NXNL2: variants seen among roughly 807,000 people sequenced by gnomAD.
NXNL2 encodes the protein nucleoredoxin-like protein 2.
Under a neutral mutation model 11.1 loss-of-function variants are expected in NXNL2, and 7 were observed. That is an observed-to-expected ratio of 0.63 (90% CI 0.36 to 1.18). The LOEUF (loss-of-function observed/expected upper bound fraction) is 1.18, where lower values mean the gene tolerates loss of function less well. Among genes scored for constraint, NXNL2 ranks in the 50% most tolerant of loss-of-function variants. The probability of loss-of-function intolerance (pLI) is 0.02; values close to 1 mark genes in which losing one functional copy is unlikely to be tolerated. For missense variants in NXNL2, 233 were observed against 217.7 expected (o/e 1.07, Z -0.44); for synonymous variants, 109 against 101.8 (o/e 1.07, Z -0.42).
chr9:88,546,897 C>T (rs1305666394), downstream of NXNL2, among the ~76,000 whole-genome samples: 1 of 152,164 alleles, frequency 6.6e-6, no homozygotes, highest in Admixed American at 6.5e-5. Flanking sequence ...TTCCATCATC[C>T]TGAGGGAAAG....
intron 1 of NXNL2, among the ~76,000 whole-genome samples, chr9:88,542,764 C>T (rs989196479): frequency 1.3e-5 from 2 of 152,132 alleles, no homozygotes; most frequent in African/African-American, 2.4e-5. Context: ...CTCTGTTGAG[C>T]GTAGGGGACC....
chr9:88,541,746 A>G (rs1829766131), intron 1 of NXNL2, among the ~76,000 whole-genome samples: 1 of 152,144 alleles, frequency 6.6e-6, no homozygotes, highest in Non-Finnish European at 1.5e-5. Flanking sequence ...CTTGAATTAG[A>G]TCCATAAGTC....
At chr9:88,548,510 C>T (rs560880225), downstream of NXNL2, among the ~76,000 whole-genome samples, 3 of 149,644 alleles carry the variant, frequency 2.0e-5, no homozygotes, top group African/African-American at 7.5e-5. Flanking sequence ...ATGGTGAAAC[C>T]CTGTCTCTAC....
rs150222723 is a variant in NXNL2 at position 88,535,831 on chromosome 9, G to GCC, written c.302+103_302+104dup. On this transcript the variant is annotated intron_variant, in intron 1 of 1. Coordinates refer to ENST00000375854, the MANE Select transcript of NXNL2 (RefSeq NM_001161625.2). ...TCTGCACTGGGGAGCTCTTTATGAC[G>GCC]CCCCCCCCCAACACCTCCCCGTCTC... 7.1e-3 allele frequency: 6,232 copies of GCC among 882,218 alleles called. 159 individuals carry two copies. The African/African-American group carries it at 0.086, about 12-fold the overall frequency. The allele number at this position is 882,218 out of a possible 1,614,324, so 54.6% of individuals were successfully genotyped here. A position where few individuals can be genotyped will look rare whatever the true frequency, so the allele number is the denominator to read the frequency against.
chr9:88,580,004 G>A (rs1470225691), downstream of NXNL2, among the ~76,000 whole-genome samples: 1 of 152,048 alleles, frequency 6.6e-6, no homozygotes, highest in Non-Finnish European at 1.5e-5. Context: ...GCCGGGTGTG[G>A]TGGCACACGC....
At chr9:88,580,559 A>C (rs1474167296), downstream of NXNL2, among the ~76,000 whole-genome samples, 6 of 152,098 alleles carry the variant, frequency 3.9e-5, no homozygotes, top group Non-Finnish European at 4.4e-5. Context: ...TTTATTCTTT[A>C]CTTTTTAAAC....
intron 1 of NXNL2, among the ~76,000 whole-genome samples, chr9:88,567,127 T>G (rs2118519077): frequency 6.6e-6 from 1 of 152,270 alleles, no homozygotes; most frequent in South Asian, 2.1e-4. Flanking sequence ...TCTATAACTA[T>G]TTCCTGACTT....
At chr9:88,584,405 C>CA (rs1830439559), downstream of NXNL2, 1 of 152,256 alleles carries the variant, frequency 6.6e-6, no homozygotes, top group African/African-American at 2.4e-5. Flanking sequence ...CGGCTGTCTG[C>CA]AAGCCTGGAG....
At chr9:88,575,162 C>T (rs4269628) in exon 3 of NXNL2, 110,091 of 984,390 alleles carry the variant, frequency 0.11, 12,771 homozygotes, top group East Asian at 0.73. Context: ...GTTCTCCCCC[C>T]GCACCATCCG....
chr9:88,540,935 ATTT>A (rs71507764), intron 1 of NXNL2, among the ~76,000 whole-genome samples: 15 of 91,068 alleles, frequency 1.6e-4, no homozygotes, highest in African/African-American at 7.4e-4. Context: ...ATCTCAGTAG[ATTT>A]TTTTTTTTTT....
chr9:88,564,765 C>A (rs1169199487), intron 1 of NXNL2, among the ~76,000 whole-genome samples: 1 of 152,162 alleles, frequency 6.6e-6, no homozygotes, highest in African/African-American at 2.4e-5. Context: ...TTACCTTTCT[C>A]TTTCTCATCT....
intron 1 of NXNL2, among the ~76,000 whole-genome samples, chr9:88,554,489 G>A (rs1278780561): frequency 1.3e-5 from 2 of 152,182 alleles, no homozygotes; most frequent in African/African-American, 4.8e-5. Flanking sequence ...ACAGACATGA[G>A]CCACCGCACC....
intron 1 of NXNL2, among the ~76,000 whole-genome samples, chr9:88,541,089 G>A (rs1365383710): frequency 1.4e-5 from 2 of 146,668 alleles, no homozygotes; most frequent in African/African-American, 2.5e-5. Flanking sequence ...GAGCCTACAG[G>A]TGTGCACAGC....
intron 1 of NXNL2, 94 bp downstream of exon 1, chr9:88,535,830 C>A: frequency 1.0e-6 from 1 of 957,106 alleles, no homozygotes; most frequent in Non-Finnish European, 1.5e-6. Flanking sequence ...CTCTTTATGA[C>A]GCCCCCCCCC....
rs1454336020 is a variant in NXNL2 at position 88,535,535 on chromosome 9, C to A, written c.101C>A (p.Ala34Glu). 1.2e-6 allele frequency: 2 copies of A among 1,606,962 alleles called. No homozygotes were observed. Among genetic ancestry groups the A allele is most frequent in the Non-Finnish European group, 1.7e-6 (2 of 1,178,720 alleles). Residue 34 changes from alanine to glutamate, a missense_variant, in exon 1 of 2, where the codon GCG becomes GAG. Coordinates refer to ENST00000375854, the MANE Select transcript of NXNL2 (RefSeq NM_001161625.2). ...AACAAGGTGGTGGCACTGTACTTCG[C>A]GGCGGCCCGGTGCGCGCCGAGCCGC... ...LQNKVVALYF[A>E]AARCAPSRDF...
chr9:88,539,962 C>T (rs1408810906), intron 1 of NXNL2, among the ~76,000 whole-genome samples: 4 of 152,040 alleles, frequency 2.6e-5, no homozygotes, highest in Non-Finnish European at 5.9e-5. Flanking sequence ...GGATTACAGG[C>T]GTGAGCCACC....
downstream of NXNL2, among the ~76,000 whole-genome samples, chr9:88,549,826 G>A (rs1247193801): frequency 6.6e-6 from 1 of 152,106 alleles, no homozygotes; most frequent in African/African-American, 2.4e-5. Context: ...GGGGGAAGGT[G>A]CCACACACTT....
chr9:88,539,174 G>A (rs966965359), intron 1 of NXNL2, among the ~76,000 whole-genome samples: 3 of 152,216 alleles, frequency 2.0e-5, no homozygotes, highest in East Asian at 1.9e-4. Context: ...CTGCCCCAGC[G>A]TCAGAGGTGG....
chr9:88,536,810 C>G (rs878864351), intron 1 of NXNL2, among the ~76,000 whole-genome samples: 3 of 152,180 alleles, frequency 2.0e-5, no homozygotes, highest in Non-Finnish European at 4.4e-5. Flanking sequence ...GCCCAGCCTT[C>G]CAGGGGGGTA....
Sources: allele counts gnomAD v4.1 joint callset (sites outside exome capture counted in the v4.1 genomes callset), GRCh38; gene constraint gnomAD v4.1.1; transcripts MANE v1.5; gene names NCBI Gene and HGNC (gene_info 2026-07-23, HGNC 2026-07-21).